Variants in EDC3 observed in about 807,000 individuals in gnomAD.
The protein encoded by EDC3 is enhancer of mRNA decapping 3.
EDC3 carries 20 observed loss-of-function variants against 41.8 expected under a neutral mutation model. The observed-to-expected ratio is 0.48, with a 90% CI of 0.34 to 0.70. The LOEUF (loss-of-function observed/expected upper bound fraction) is 0.70. EDC3 is among the 30% of genes least tolerant of loss of function. EDC3 has a pLI of 0.01. For synonymous variants in EDC3, 206 were observed against 243.2 expected (o/e 0.85, Z 1.42); for missense variants, 444 against 636.8 (o/e 0.70, Z 3.26).
chr15:74,686,362 CTGTAA>C (rs1046286993), intron 1 of EDC3, among the ~76,000 whole-genome samples: 4 of 152,100 alleles, frequency 2.6e-5, no homozygotes, highest in African/African-American at 9.6e-5. Context: ...TGGTGCATGC[CTGTAA>C]TCCCAGCTAC....
chr15:74,641,559 A>G (rs2062352014), intron 4 of EDC3: 2 of 153,032 alleles, frequency 1.3e-5, no homozygotes, highest in African/African-American at 2.4e-5. Context: ...CAAGAAGCCA[A>G]TGCCATCTTA....
At chr15:74,682,150 TAAA>T (rs1370065376) in intron 1 of EDC3, among the ~76,000 whole-genome samples, 1 of 152,068 alleles carries the variant, frequency 6.6e-6, no homozygotes, top group Non-Finnish European at 1.5e-5. Flanking sequence ...GGCAGGTTAT[TAAA>T]AAAACTAAAC....
At chr15:74,645,656 C>T (rs892280050) in intron 4 of EDC3, among the ~76,000 whole-genome samples, 19 of 146,190 alleles carry the variant, frequency 1.3e-4, no homozygotes, top group African/African-American at 4.1e-4. Flanking sequence ...ATTACTTGAG[C>T]TCAGGAGTTC....
rs907793709 is a variant in EDC3 at position 74,635,786 on chromosome 15, G to A, written c.975-160C>T. 7.6e-6 allele frequency: 5 copies of A among 661,488 alleles called. No homozygotes were observed. The East Asian group carries it at 1.1e-4, about 14-fold the overall frequency. 41.0% of individuals were successfully genotyped at this position (661,488 alleles called of 1,614,324 possible). On this transcript the variant is annotated intron_variant, in intron 5 of 6. Transcript: ENST00000315127. ...GGGGACAAAATCCACTGCAGGCCAG[G>A]TCTATAGGGTGGCACTCCTGTTGTC...
intron 4 of EDC3, among the ~76,000 whole-genome samples, chr15:74,649,861 G>GA (rs1491402687): frequency 1.6e-5 from 1 of 62,744 alleles, no homozygotes; most frequent in Admixed American, 2.4e-4. Flanking sequence ...GGGAAAAAAA[G>GA]GGGGGGGGGG....
intron 4 of EDC3, among the ~76,000 whole-genome samples, chr15:74,650,795 C>T (rs762655125): frequency 6.6e-6 from 1 of 152,016 alleles, no homozygotes; most frequent in African/African-American, 2.4e-5. Context: ...ATCAGGAATT[C>T]GAGACCAGCC....
intron 4 of EDC3, among the ~76,000 whole-genome samples, chr15:74,651,018 A>T (rs559026292): frequency 1.6e-4 from 25 of 151,906 alleles, no homozygotes; most frequent in Non-Finnish European, 2.4e-4. Flanking sequence ...AATAAAATTT[A>T]AAAAAAAATT....
chr15:74,639,503 A>C (rs941790833), intron 5 of EDC3: 6 of 152,204 alleles, frequency 3.9e-5, no homozygotes, highest in African/African-American at 1.4e-4. Flanking sequence ...ACCTGAGGCC[A>C]AGAGTTTGGG....
In EDC3 at chr15:74,640,539, G is replaced by A; in HGVS notation, c.901C>T (p.Leu301Phe). Residue 301 changes from leucine (L) to phenylalanine (F), a missense_variant, in exon 5 of 7, where the codon CTT becomes TTT. Coordinates refer to ENST00000315127, the MANE Select transcript of EDC3 (RefSeq NM_025083.5). ...LSVAEKHGLTLERRLEMTGVC... is the reference protein window; with the variant it reads ...LSVAEKHGLTFERRLEMTGVC... ...CCTGTCATCTCCAGTCTCCGCTCAA[G>A]GGTCAGCCCATGCTTCTCAGCCACG... 6.2e-7 allele frequency: 1 copy of A among 1,614,230 alleles called. No homozygotes were observed. Among genetic ancestry groups the A allele is most frequent in the Non-Finnish European group, 8.5e-7 (1 of 1,180,036 alleles).
At chr15:74,667,444 G>A (rs1428443917) in intron 3 of EDC3, among the ~76,000 whole-genome samples, 3 of 138,566 alleles carry the variant, frequency 2.2e-5, no homozygotes, top group African/African-American at 5.4e-5. Context: ...GGGGGGAGGA[G>A]GGAGGGGGAG....
In EDC3 at chr15:74,631,263, C is replaced by T. The variant is rs1176737586; in HGVS notation, c.*1349G>A. The T allele has an allele frequency of 6.6e-6, 1 of 152,520 alleles. No homozygotes were observed. Among genetic ancestry groups the T allele is most frequent in the Non-Finnish European group, 1.5e-5 (1 of 68,260 alleles). The allele number at this position is 152,520 out of a possible 1,614,324, so 9.4% of individuals were successfully genotyped here. On this transcript the variant is annotated 3_prime_UTR_variant, in exon 7 of 7. Coordinates refer to ENST00000315127, the MANE Select transcript of EDC3 (RefSeq NM_025083.5). ...TGGTGAGCCCTTCTGTCCACCCATC[C>T]ACCCGCTCAGCCAGCCTGGGCAGAC...
Position 74,632,752 on chromosome 15 carries a change from G to A in EDC3, c.1387C>T (p.Leu463=). 2 of 1,614,230 alleles carry A rather than the reference G, an allele frequency of 1.2e-6. No individual in the cohort carries two copies. Among genetic ancestry groups the A allele is most frequent in the South Asian group, 1.1e-5 (1 of 91,084 alleles). Residue 463 remains leucine (L), a synonymous_variant, in exon 7 of 7, where the codon CTG becomes TTG. Transcript: ENST00000315127. The surrounding 1 kb of genome is among the most constrained non-coding windows in gnomAD (Gnocchi z 4.0). Reference sequence around the variant, plus strand: ...GCGTGCTCCCCCAGTGGCAGAGGCAGGCCCAGTGCCAGTGACCATTTGGCA... The same window carrying A: ...GCGTGCTCCCCCAGTGGCAGAGGCAAGCCCAGTGCCAGTGACCATTTGGCA... ...IDAKWSLALG[L]PLPLGEHAGR...
chr15:74,662,226 T>C (rs2062628339), intron 3 of EDC3, among the ~76,000 whole-genome samples: 1 of 152,170 alleles, frequency 6.6e-6, no homozygotes, highest in Non-Finnish European at 1.5e-5. Context: ...CAGTGTGCGT[T>C]ACCACTGACC....
intron 1 of EDC3, among the ~76,000 whole-genome samples, chr15:74,686,898 T>C (rs1436553985): frequency 1.3e-5 from 2 of 151,978 alleles, no homozygotes; most frequent in African/African-American, 4.8e-5. Flanking sequence ...GTGGACGGCA[T>C]GGTGGCATGC....
chr15:74,632,124 GC>G lies in EDC3; in HGVS notation c.*487del, dbSNP rs1429560770. 3 of 192,436 alleles carry G rather than the reference GC, an allele frequency of 1.6e-5. No homozygotes were observed. In the Admixed American group the frequency reaches 1.6e-4, roughly 10 times the overall value. 11.9% of individuals were successfully genotyped at this position (192,436 alleles called of 1,614,324 possible). A position where few individuals can be genotyped will look rare whatever the true frequency, so the allele number is the denominator to read the frequency against. ...ACAGCCCTGGACATGAATGGAGAGT[GC>G]AGGTCTGCCCTCTGGTGGACAGCTG... On this transcript the variant is annotated 3_prime_UTR_variant, in exon 7 of 7. Transcript: ENST00000315127. This position sits in a 1 kb window ranked among gnomAD's most constrained non-coding sequence, Gnocchi z 4.0.
intron 1 of EDC3, among the ~76,000 whole-genome samples, chr15:74,684,082 C>CTT (rs2062906796): frequency 1.6e-5 from 2 of 123,656 alleles, no homozygotes; most frequent in African/African-American, 3.3e-5. Flanking sequence ...TTTTTTGTTT[C>CTT]TGTTTTTTTT....
chr15:74,690,502 C>G (rs2062995158), intron 1 of EDC3, among the ~76,000 whole-genome samples: 2 of 152,200 alleles, frequency 1.3e-5, no homozygotes, highest in Non-Finnish European at 2.9e-5. Context: ...GCATTCAGAT[C>G]CAATAAACAA....
chr15:74,651,817 C>A (rs558437595), intron 4 of EDC3, among the ~76,000 whole-genome samples: 1 of 152,302 alleles, frequency 6.6e-6, no homozygotes, highest in Non-Finnish European at 1.5e-5. Context: ...TCCCAATAAA[C>A]CCATCATAAA....
intron 6 of EDC3, among the ~76,000 whole-genome samples, chr15:74,634,740 A>G (rs1235307618): frequency 6.6e-6 from 1 of 151,414 alleles, no homozygotes; most frequent in Non-Finnish European, 1.5e-5. Flanking sequence ...TGGCACTACC[A>G]CTCTTGTCTT....
Sources: allele counts gnomAD v4.1 joint callset (sites outside exome capture counted in the v4.1 genomes callset), GRCh38; gene constraint gnomAD v4.1.1; non-coding constraint Gnocchi (gnomAD v3.1); transcripts MANE v1.5; gene names NCBI Gene and HGNC (gene_info 2026-07-23, HGNC 2026-07-21).